Variants in TCF7L2 observed in about 807,000 individuals in gnomAD.
The protein encoded by TCF7L2 is transcription factor 7-like 2.
A neutral mutation model predicts 77.9 loss-of-function variants in TCF7L2; 23 were observed. That is an observed-to-expected ratio of 0.30 (90% CI 0.21 to 0.42). The LOEUF (loss-of-function observed/expected upper bound fraction) is 0.42. TCF7L2 is among the 10% of genes least tolerant of loss of function. The pLI is 1.00. For missense variants in TCF7L2, 654 were observed against 793.1 expected, an observed-to-expected ratio of 0.82 and a Z score of 2.11; for synonymous variants, 413 against 340.2, an observed-to-expected ratio of 1.21 and a Z score of -2.36.
chr10:113,031,797 C>G (rs1410418049), intron 4 of TCF7L2, among the ~76,000 whole-genome samples: 2 of 152,018 alleles, frequency 1.3e-5, no homozygotes, highest in Non-Finnish European at 2.9e-5. Flanking sequence ...CCCTACTTAC[C>G]TTCTTTGTGT....
At chr10:113,136,640 G>A (rs1024698875) in intron 5 of TCF7L2, among the ~76,000 whole-genome samples, 2 of 152,158 alleles carry the variant, frequency 1.3e-5, no homozygotes, top group African/African-American at 2.4e-5. Flanking sequence ...CTGGCCTTAC[G>A]TTGAGCTGTT....
intron 4 of TCF7L2, among the ~76,000 whole-genome samples, chr10:113,036,115 C>CCATCATCATCAT (rs71869784): frequency 6.8e-6 from 1 of 146,480 alleles, no homozygotes; most frequent in Non-Finnish European, 1.5e-5. Context: ...ATCATCATCA[C>CCATCATCATCAT]CATCATCATC....
intron 4 of TCF7L2, among the ~76,000 whole-genome samples, chr10:113,001,140 A>G (rs1410568031): frequency 1.3e-5 from 2 of 152,142 alleles, no homozygotes; most frequent in African/African-American, 4.8e-5. Context: ...GCTGGCTTGG[A>G]GGGCAGGAGA....
At chr10:113,087,209 A>G (rs970453115) in intron 5 of TCF7L2, among the ~76,000 whole-genome samples, 1 of 152,188 alleles carries the variant, frequency 6.6e-6, no homozygotes, top group Non-Finnish European at 1.5e-5. Flanking sequence ...CATTTCCATA[A>G]TGTACAATTT....
At chr10:113,002,397 C>T (rs2044651959) in intron 4 of TCF7L2, among the ~76,000 whole-genome samples, 1 of 152,116 alleles carries the variant, frequency 6.6e-6, no homozygotes. Flanking sequence ...CATGGCCAGT[C>T]ATTGGGAGGT....
chr10:113,129,915 G>T (rs1440292536), intron 5 of TCF7L2: 3 of 1,294,448 alleles, frequency 2.3e-6, no homozygotes, highest in Admixed American at 4.5e-5. Flanking sequence ...TGAGTGGTAA[G>T]GGAGGCGCAG....
At position 113,068,023 on chromosome 10, in the gene TCF7L2, C is replaced by T. The variant is rs78817165; in HGVS notation, c.552+27897C>T. ...CTTTACCTGGGTGCGAGTCTTCTTCCGTGACACTTAATATAACTTTATGGA... is the reference window on the plus strand; with the variant it reads ...CTTTACCTGGGTGCGAGTCTTCTTCTGTGACACTTAATATAACTTTATGGA... On this transcript the variant is annotated intron_variant, in intron 5 of 13. Coordinates refer to ENST00000627217, the MANE Select transcript of TCF7L2 (RefSeq NM_001146274.2). 7.8e-3 allele frequency among the ~76,000 whole-genome samples: 1,187 copies of T among 152,188 alleles called. 6 individuals are homozygous for T. Among genetic ancestry groups the T allele is most frequent in the Non-Finnish European group, 0.013 (875 of 68,020 alleles).
intron 5 of TCF7L2, among the ~76,000 whole-genome samples, chr10:113,138,365 C>T (rs1440918486): frequency 6.6e-6 from 1 of 151,244 alleles, no homozygotes; most frequent in Non-Finnish European, 1.5e-5. Flanking sequence ...GAACACAGGG[C>T]TCCACCTTTT....
chr10:113,158,095 G>A, intron 12 of TCF7L2, 26 bp downstream of exon 12: 1 of 1,583,708 alleles, frequency 6.3e-7, no homozygotes, highest in Non-Finnish European at 8.6e-7. Context: ...CAGGTTAGAG[G>A]AAGGAGCTGT....
chr10:113,109,204 T>A (rs1289549943), intron 5 of TCF7L2, among the ~76,000 whole-genome samples: 1 of 152,172 alleles, frequency 6.6e-6, no homozygotes, highest in Non-Finnish European at 1.5e-5. Flanking sequence ...GATTTAGCCA[T>A]GGGATTGGGA....
chr10:113,105,215 T>C (rs893297744), intron 5 of TCF7L2, among the ~76,000 whole-genome samples: 5 of 152,100 alleles, frequency 3.3e-5, no homozygotes, highest in African/African-American at 1.2e-4. Flanking sequence ...GGTTCTGGTG[T>C]TGGGGACAAG....
chr10:113,000,520 T>C lies in TCF7L2; in HGVS notation c.450+35896T>C, dbSNP rs117197312. ...AAAGGCAAAGTGACAGATCCTGGAT[T>C]TAACCAGCAGCCCAGATTTGAGGCC... On this transcript the variant is annotated intron_variant, in intron 4 of 13. Coordinates refer to ENST00000627217, the MANE Select transcript of TCF7L2 (RefSeq NM_001146274.2). Among the ~76,000 whole-genome samples, 825 of 152,272 alleles carry C rather than the reference T, an allele frequency of 5.4e-3. 4 individuals are homozygous for C. Among genetic ancestry groups the C allele is most frequent in the Non-Finnish European group, 8.6e-3 (585 of 68,012 alleles).
At chr10:112,977,257 T>C (rs1220221230) in intron 4 of TCF7L2, among the ~76,000 whole-genome samples, 2 of 152,218 alleles carry the variant, frequency 1.3e-5, no homozygotes. Context: ...ATGTGTGTGA[T>C]AGTAGCCCAT....
In TCF7L2 at chr10:113,166,247, T is replaced by C. The variant is rs2074035080; in HGVS notation, c.*275T>C. The C allele has an allele frequency of 6.4e-6, 2 of 310,820 alleles. No individual in the cohort carries two copies. The highest frequency in any genetic ancestry group is 5.0e-5 in the East Asian group (1 of 20,184). 19.3% of individuals were successfully genotyped at this position (310,820 alleles called of 1,614,324 possible). A position where few individuals can be genotyped will look rare whatever the true frequency, so the allele number is the denominator to read the frequency against. ...AAGTCTTTGTAGCGTTTAAAAAATA[T>C]ATATATATACATAACTGTTATGTAG... On this transcript the variant is annotated 3_prime_UTR_variant, in exon 14 of 14. Transcript: ENST00000627217.
intron 4 of TCF7L2, among the ~76,000 whole-genome samples, chr10:113,005,206 C>T (rs2045320941): frequency 6.6e-6 from 1 of 152,232 alleles, no homozygotes; most frequent in South Asian, 2.1e-4. Flanking sequence ...ACCACGCCGC[C>T]TGATCATTCC....
At chr10:113,046,033 T>C (rs962443002) in intron 5 of TCF7L2, among the ~76,000 whole-genome samples, 29 of 152,186 alleles carry the variant, frequency 1.9e-4, no homozygotes, top group Admixed American at 1.6e-3. Flanking sequence ...GATGGGATCA[T>C]TGGTGCTTTG....
At chr10:112,957,187 C>G (rs2033868684) in intron 3 of TCF7L2, among the ~76,000 whole-genome samples, 1 of 141,672 alleles carries the variant, frequency 7.1e-6, no homozygotes, top group Admixed American at 7.7e-5. Context: ...CCAACACCCC[C>G]ACCTTTTTTT....
At chr10:113,010,175 T>A (rs1479926296) in intron 4 of TCF7L2, among the ~76,000 whole-genome samples, 1 of 152,004 alleles carries the variant, frequency 6.6e-6, no homozygotes, top group African/African-American at 2.4e-5. Flanking sequence ...TGAGTGAGAT[T>A]GGTGGGGCAG....
intron 4 of TCF7L2, among the ~76,000 whole-genome samples, chr10:112,968,256 A>G (rs1049881887): frequency 1.3e-5 from 2 of 152,118 alleles, no homozygotes; most frequent in Non-Finnish European, 2.9e-5. Flanking sequence ...CCACTTAGAC[A>G]TGGATTTTCT....
Sources: allele counts gnomAD v4.1 joint callset (sites outside exome capture counted in the v4.1 genomes callset), GRCh38; gene constraint gnomAD v4.1.1; transcripts MANE v1.5; gene names NCBI Gene and HGNC (gene_info 2026-07-23, HGNC 2026-07-21).